SCN9A: variants seen among roughly 807,000 people sequenced by gnomAD.
SCN9A encodes sodium channel protein type 9 subunit alpha.
A neutral mutation model predicts 187.0 loss-of-function variants in SCN9A; 131 were observed. The ratio of observed to expected loss-of-function variants is 0.70; its 90% CI spans 0.61 to 0.81. The LOEUF is 0.81. Ranked by LOEUF, SCN9A falls within the 30% of genes least tolerant of loss-of-function variation. The pLI, the probability that SCN9A is intolerant of heterozygous loss-of-function variation, is 0.00. For missense variants in SCN9A, 2,252 were observed against 2,396.6 expected, an observed-to-expected ratio of 0.94 and a Z score of 1.26; for synonymous variants, 809 against 808.6, an observed-to-expected ratio of 1.00 and a Z score of -0.01.
In SCN9A at chr2:166,199,291, T is replaced by C. The variant is rs1219393597; in HGVS notation, c.5348A>G (p.Tyr1783Cys). The change falls in exon 27 of 27, where the codon TAT becomes TGT. Residue 1783 changes from tyrosine (Y) to cysteine (C), a missense_variant. Physicochemically the swap from Tyr to Cys is radical, Grantham distance 194. Coordinates refer to ENST00000642356, the MANE Select transcript of SCN9A (RefSeq NM_001365536.1). ...PLSEDDFEMF[Y>C]EVWEKFDPDA... Reference sequence around the variant, plus strand: ...GGGATCAAACTTCTCCCAAACCTCATAGAACATCTCAAAGTCATCCTCACT... The same window carrying C: ...GGGATCAAACTTCTCCCAAACCTCACAGAACATCTCAAAGTCATCCTCACT... 3 of 1,614,150 alleles carry C rather than the reference T, an allele frequency of 1.9e-6. No individual in the cohort carries two copies. Among genetic ancestry groups the C allele is most frequent in the East Asian group, 2.2e-5 (1 of 44,872 alleles).
At chr2:166,336,176 T>C (rs10190952) in intron 1 of SCN9A, among the ~76,000 whole-genome samples, 6,649 of 152,184 alleles carry the variant, frequency 0.044, 475 homozygotes, top group African/African-American at 0.15. Context: ...CCAAACCTGC[T>C]AGAAAGAGGA....
At chr2:166,240,325 AC>A (rs142401223) in intron 19 of SCN9A, among the ~76,000 whole-genome samples, 2,753 of 152,282 alleles carry the variant, frequency 0.018, 99 homozygotes, top group African/African-American at 0.062. Context: ...ATAGGTAAAC[AC>A]GTGTCATGGG....
intron 24 of SCN9A, among the ~76,000 whole-genome samples, chr2:166,214,575 C>T (rs1179256358): frequency 1.0e-4 from 12 of 114,672 alleles, no homozygotes; most frequent in Non-Finnish European, 1.7e-4. Flanking sequence ...AGTGCAGTGG[C>T]GCAATCTCGG....
chr2:166,262,883 C>T (rs1574828542), intron 17 of SCN9A, among the ~76,000 whole-genome samples: 4 of 151,910 alleles, frequency 2.6e-5, no homozygotes, highest in Admixed American at 1.3e-4. Context: ...GTGTTTGATC[C>T]GCTGTTCTCA....
At chr2:166,337,102 G>T (rs1699647543) in intron 1 of SCN9A, among the ~76,000 whole-genome samples, 1 of 152,024 alleles carries the variant, frequency 6.6e-6, no homozygotes, top group South Asian at 2.1e-4. Flanking sequence ...TGATATGATT[G>T]GTGGGGGTAT....
At chr2:166,266,969 T>G (rs1381194578) in intron 17 of SCN9A, among the ~76,000 whole-genome samples, 2 of 151,958 alleles carry the variant, frequency 1.3e-5, no homozygotes, top group Non-Finnish European at 2.9e-5. Flanking sequence ...TCATTAGAAC[T>G]CTCTATATCT....
chr2:166,262,122 T>C (rs1160656949), intron 17 of SCN9A, among the ~76,000 whole-genome samples: 3 of 151,946 alleles, frequency 2.0e-5, no homozygotes, highest in African/African-American at 7.2e-5. Context: ...AGCAAGGTTT[T>C]CACCTAGAGA....
At chr2:166,257,411 C>A (rs1696326882) in intron 17 of SCN9A, among the ~76,000 whole-genome samples, 1 of 151,498 alleles carries the variant, frequency 6.6e-6, no homozygotes, top group African/African-American at 2.4e-5. Context: ...ACTAATACTA[C>A]CCACAATGAA....
At chr2:166,297,918 A>G (rs1223515036) in intron 7 of SCN9A, among the ~76,000 whole-genome samples, 1 of 152,198 alleles carries the variant, frequency 6.6e-6, no homozygotes, top group South Asian at 2.1e-4. Flanking sequence ...ATTAAATCTA[A>G]TGAAGATTCT....
rs1328427299 is a variant in SCN9A at position 166,197,933 on chromosome 2, A to G, written c.*739T>C. On this transcript the variant is annotated 3_prime_UTR_variant, in exon 27 of 27. Coordinates refer to ENST00000642356, the MANE Select transcript of SCN9A (RefSeq NM_001365536.1). The stretch of plus-strand genomic sequence containing the variant: ...ATTTTTCAAGTTCTGTGGTTATTCT[A>G]TGAACAAAAAGGGATATGAAAGAAG... 1.3e-5 allele frequency: 2 copies of G among 152,106 alleles called. No homozygotes were observed. Among genetic ancestry groups the G allele is most frequent in the South Asian group, 2.1e-4 (1 of 4,824 alleles). The allele number at this position is 152,106 out of a possible 1,614,324, so 9.4% of individuals were successfully genotyped here. A position where few individuals can be genotyped will look rare whatever the true frequency, so the allele number is the denominator to read the frequency against.
At chr2:166,275,703 A>G (rs1697206265) in intron 16 of SCN9A, among the ~76,000 whole-genome samples, 1 of 152,206 alleles carries the variant, frequency 6.6e-6, no homozygotes, top group Admixed American at 6.5e-5. Context: ...GTAAGGCTAT[A>G]TAAAACTAGG....
intron 1 of SCN9A, among the ~76,000 whole-genome samples, chr2:166,312,125 C>T (rs912257055): frequency 6.6e-6 from 1 of 152,124 alleles, no homozygotes; most frequent in African/African-American, 2.4e-5. Context: ...CAATTCAACT[C>T]AACTTTCCTC....
At chr2:166,231,072 A>C (rs1695062179) in intron 21 of SCN9A, among the ~76,000 whole-genome samples, 1 of 152,176 alleles carries the variant, frequency 6.6e-6, no homozygotes. Context: ...AAATATACTA[A>C]ACTATTCTCC....
rs372263773 is a variant in SCN9A, at chr2:166,308,002, G to A, written c.259-928C>T. ...TAAGCATTTCTCACCGTATTCAGGA[G>A]GTAAGTCTGTGAGTCAGGCTTTTTA... On this transcript the variant is annotated intron_variant, in intron 2 of 26. Coordinates refer to ENST00000642356, the MANE Select transcript of SCN9A (RefSeq NM_001365536.1). Among the ~76,000 whole-genome samples the A allele has an allele frequency of 8.5e-5, 13 of 152,274 alleles. No homozygotes were observed. The East Asian group carries it at 2.3e-3, about 27-fold the overall frequency.
rs1559034298 is a variant in SCN9A, at chr2:166,311,329, C to CATATATATATATAT, written c.258+169_258+170insATATATATATATAT. On this transcript the variant is annotated intron_variant, in intron 2 of 26. Coordinates refer to ENST00000642356, the MANE Select transcript of SCN9A (RefSeq NM_001365536.1). Reference sequence around the variant, plus strand: ...TTGAAAAAGTACAGATTCTGAATATCCTATATATATATATATATATATATA... The same window carrying CATATATATATATAT: ...TTGAAAAAGTACAGATTCTGAATATCATATATATATATATCTATATATATATATATATATATATA... Among the ~76,000 whole-genome samples the CATATATATATATAT allele has an allele frequency of 1.1e-3, 54 of 47,906 alleles. 10 individuals are homozygous for CATATATATATATAT. Among genetic ancestry groups the CATATATATATATAT allele is most frequent in the Middle Eastern group, 0.015 (1 of 68 alleles). 31.4% of individuals were successfully genotyped at this position (47,906 alleles called of 152,430 possible).
At chr2:166,226,273 A>G (rs1694836963) in intron 24 of SCN9A, among the ~76,000 whole-genome samples, 1 of 152,118 alleles carries the variant, frequency 6.6e-6, no homozygotes, top group South Asian at 2.1e-4. Flanking sequence ...TAATTATTCA[A>G]TCCTCTATAG....
intron 21 of SCN9A, among the ~76,000 whole-genome samples, chr2:166,232,747 A>G (rs979761575): frequency 1.4e-4 from 5 of 36,474 alleles, no homozygotes; most frequent in Non-Finnish European, 2.8e-4. Flanking sequence ...ATATATATAT[A>G]TATATAGAGA....
intron 17 of SCN9A, among the ~76,000 whole-genome samples, chr2:166,260,704 A>G (rs1365514498): frequency 6.6e-6 from 1 of 151,864 alleles, no homozygotes; most frequent in African/African-American, 2.4e-5. Flanking sequence ...GTAATTTAGG[A>G]GAGAAAAACT....
intron 18 of SCN9A, chr2:166,248,370 A>G (rs1043259593): frequency 1.3e-5 from 2 of 152,074 alleles, no homozygotes; most frequent in Admixed American, 6.6e-5. Context: ...TAAGCACCCA[A>G]TGTTCAATCC....
Sources: gnomAD v4.1 joint callset for allele counts (sites outside exome capture counted in the v4.1 genomes callset) on GRCh38, gnomAD v4.1.1 for gene constraint, MANE v1.5 for transcripts, NCBI Gene and HGNC (gene_info 2026-07-23, HGNC 2026-07-21) for gene names.